RGS7: variants seen among roughly 807,000 people sequenced by gnomAD.
RGS7 encodes the protein regulator of G-protein signaling 7.
A neutral mutation model predicts 81.1 loss-of-function variants in RGS7; 27 were observed. The observed-to-expected ratio is 0.33, with a 90% CI of 0.25 to 0.46. RGS7 has a LOEUF of 0.46. Ranked by LOEUF, RGS7 falls within the 20% of genes least tolerant of loss-of-function variation. The probability of loss-of-function intolerance (pLI) is 1.00; values close to 1 mark genes in which losing one functional copy is unlikely to be tolerated. For synonymous variants in RGS7, 208 were observed against 207.7 expected (o/e 1.00, Z -0.01); for missense variants, 396 against 607.4 (o/e 0.65, Z 3.66).
chr1:240,794,224 A>T (rs1970532), intron 18 of RGS7, among the ~76,000 whole-genome samples: 433 of 151,788 alleles, frequency 2.9e-3, no homozygotes, highest in Non-Finnish European at 4.4e-3. Flanking sequence ...ATCTAGAAAA[A>T]GAACTTTCTG....
At chr1:241,262,117 T>C (rs2077368708) in intron 2 of RGS7, among the ~76,000 whole-genome samples, 1 of 152,142 alleles carries the variant, frequency 6.6e-6, no homozygotes, top group Non-Finnish European at 1.5e-5. Flanking sequence ...GCTGGGACTG[T>C]TCCACCCTAC....
chr1:240,842,982 G>A (rs963761356), intron 9 of RGS7, among the ~76,000 whole-genome samples: 3 of 151,944 alleles, frequency 2.0e-5, no homozygotes, highest in African/African-American at 4.8e-5. Context: ...GGCCAATATG[G>A]TGAAACCCCA....
At position 241,144,960 on chromosome 1, in the gene RGS7, TGTGTTC is replaced by T. The variant is rs1410710343; in HGVS notation, c.79-46204_79-46199del. ...GTGTGTGTGTGTGTGTGTGTGTGTG[TGTGTTC>T]GTGTTCATTCTTCCTGTTCCTGTTT... is the stretch of plus-strand genomic sequence containing the variant. On this transcript the variant is annotated intron_variant, in intron 2 of 18. Transcript: ENST00000440928. This position sits in a 1 kb window ranked among gnomAD's most constrained non-coding sequence, Gnocchi z 4.7. Among the ~76,000 whole-genome samples the T allele has an allele frequency of 4.6e-4, 69 of 151,292 alleles. No individual in the cohort carries two copies. The highest frequency in any genetic ancestry group is 1.6e-3 in the African/African-American group (67 of 40,992).
intron 6 of RGS7, among the ~76,000 whole-genome samples, chr1:240,914,700 T>A (rs188810534): frequency 2.0e-5 from 3 of 152,152 alleles, no homozygotes; most frequent in Admixed American, 6.5e-5. Flanking sequence ...CTCTCTGGAG[T>A]CTGCTCTGGC....
At chr1:240,843,176 A>C (rs1658418995) in intron 9 of RGS7, among the ~76,000 whole-genome samples, 4 of 152,072 alleles carry the variant, frequency 2.6e-5, no homozygotes, top group African/African-American at 2.4e-5. Flanking sequence ...AAAAAAATAA[A>C]ATAAAAATAA....
chr1:241,321,675 T>C (rs74150259), intron 2 of RGS7, among the ~76,000 whole-genome samples: 1,958 of 152,258 alleles, frequency 0.013, 41 homozygotes, highest in African/African-American at 0.045. Flanking sequence ...ATGTTATATA[T>C]TTACTATGAA....
chr1:241,222,113 A>G (rs1284908866), intron 2 of RGS7, among the ~76,000 whole-genome samples: 1 of 152,236 alleles, frequency 6.6e-6, no homozygotes, highest in Non-Finnish European at 1.5e-5. Flanking sequence ...ACATGGACTT[A>G]GCATGAATGG....
At chr1:240,964,083 G>A (rs1033903743) in intron 4 of RGS7, among the ~76,000 whole-genome samples, 10 of 152,202 alleles carry the variant, frequency 6.6e-5, no homozygotes, top group African/African-American at 2.4e-4. Flanking sequence ...AAGAAGCACA[G>A]GGAAGCTCAA....
At chr1:241,182,893 C>G (rs1377930329) in intron 2 of RGS7, among the ~76,000 whole-genome samples, 1 of 151,646 alleles carries the variant, frequency 6.6e-6, no homozygotes, top group African/African-American at 2.4e-5. Context: ...AGGCTGGTCT[C>G]AAACTCCTGA....
chr1:240,955,686 GA>G (rs1196773019), intron 4 of RGS7, among the ~76,000 whole-genome samples: 2 of 151,548 alleles, frequency 1.3e-5, no homozygotes, highest in African/African-American at 4.9e-5. Context: ...AAGTAAAACA[GA>G]AAAGAGAGTC....
Position 241,195,729 on chromosome 1 carries a change from A to G in RGS7, c.79-96967T>C, listed in dbSNP as rs112825962. Reference sequence around the variant, plus strand: ...AACTTTACAGATAGATGTAACAATAAGACATACAGGACTATTGAAAAAATA... The same window carrying G: ...AACTTTACAGATAGATGTAACAATAGGACATACAGGACTATTGAAAAAATA... On this transcript the variant is annotated intron_variant, in intron 2 of 18. Transcript: ENST00000440928. Among the ~76,000 whole-genome samples the G allele has an allele frequency of 2.0e-3, 302 of 152,140 alleles. 2 individuals are homozygous for G. The highest frequency in any genetic ancestry group is 6.8e-3 in the Middle Eastern group (2 of 294).
intron 3 of RGS7, among the ~76,000 whole-genome samples, chr1:241,076,379 CTAAT>C (rs1359082647): frequency 6.6e-6 from 1 of 152,182 alleles, no homozygotes; most frequent in Non-Finnish European, 1.5e-5. Context: ...ACATTCCTCC[CTAAT>C]TAGTTCAAAT....
intron 3 of RGS7, among the ~76,000 whole-genome samples, chr1:241,092,572 T>G (rs553451205): frequency 2.0e-5 from 3 of 152,232 alleles, no homozygotes; most frequent in Admixed American, 2.0e-4. Context: ...AGTTATTTTT[T>G]CAATTTGAAG....
At chr1:241,335,201 T>A (rs1204751987) in intron 2 of RGS7, among the ~76,000 whole-genome samples, 1 of 152,180 alleles carries the variant, frequency 6.6e-6, no homozygotes, top group African/African-American at 2.4e-5. Flanking sequence ...CTTGAGGAGC[T>A]AGCATGATCC....
At chr1:240,866,363 T>C (rs1347441945) in intron 9 of RGS7, among the ~76,000 whole-genome samples, 1 of 151,938 alleles carries the variant, frequency 6.6e-6, no homozygotes, top group Non-Finnish European at 1.5e-5. Flanking sequence ...TACAAAAAAT[T>C]AGCCAGGCAT....
At chr1:240,816,763 G>C (rs1558298347) in intron 10 of RGS7, among the ~76,000 whole-genome samples, 1 of 152,106 alleles carries the variant, frequency 6.6e-6, no homozygotes, top group African/African-American at 2.4e-5. Flanking sequence ...AAAATAGAGA[G>C]GTGGATGAAG....
intron 3 of RGS7, among the ~76,000 whole-genome samples, chr1:241,056,297 CT>C (rs1165487521): frequency 1.3e-5 from 2 of 152,196 alleles, no homozygotes; most frequent in Non-Finnish European, 2.9e-5. Flanking sequence ...TGCTAGGCAT[CT>C]TATCTCTAAA....
At chr1:241,249,002 T>C (rs1369855116) in intron 2 of RGS7, among the ~76,000 whole-genome samples, 1 of 152,220 alleles carries the variant, frequency 6.6e-6, no homozygotes, top group African/African-American at 2.4e-5. Flanking sequence ...GTCATTTGTA[T>C]AGTCTATATA....
chr1:241,121,415 A>C (rs922050069), intron 2 of RGS7, among the ~76,000 whole-genome samples: 2 of 152,194 alleles, frequency 1.3e-5, no homozygotes, highest in Non-Finnish European at 2.9e-5. Context: ...AAAGGACAAC[A>C]AAAGGAAAAG....
Sources: allele counts gnomAD v4.1 joint callset (sites outside exome capture counted in the v4.1 genomes callset), GRCh38; gene constraint gnomAD v4.1.1; non-coding constraint Gnocchi (gnomAD v3.1); transcripts MANE v1.5; gene names NCBI Gene and HGNC (gene_info 2026-07-23, HGNC 2026-07-21).